Variants in RTN1 observed in about 807,000 individuals in gnomAD.
RTN1 encodes the protein reticulon 1.
Under a neutral mutation model 65.5 loss-of-function variants are expected in RTN1, and 25 were observed. The ratio of observed to expected loss-of-function variants is 0.38; its 90% CI spans 0.28 to 0.53. The LOEUF (loss-of-function observed/expected upper bound fraction) is 0.53. Ranked by LOEUF, RTN1 falls within the 20% of genes least tolerant of loss-of-function variation. RTN1 has a pLI of 0.79. For missense variants in RTN1, 983 were observed against 1,025.4 expected, an observed-to-expected ratio of 0.96 and a Z score of 0.57; for synonymous variants, 471 against 447.6, an observed-to-expected ratio of 1.05 and a Z score of -0.66.
At chr14:59,644,577 C>A (rs1414400550) in intron 3 of RTN1, among the ~76,000 whole-genome samples, 1 of 152,154 alleles carries the variant, frequency 6.6e-6, no homozygotes, top group East Asian at 1.9e-4. Flanking sequence ...GGAGGTTAGA[C>A]CCCCATACAT....
At chr14:59,769,611 C>T (rs1885915776) in intron 1 of RTN1, among the ~76,000 whole-genome samples, 1 of 152,180 alleles carries the variant, frequency 6.6e-6, no homozygotes, top group South Asian at 2.1e-4. Flanking sequence ...ACCTGCCATG[C>T]AGATTTTGTT....
chr14:59,654,201 G>A (rs776972948), intron 3 of RTN1, among the ~76,000 whole-genome samples: 39 of 152,154 alleles, frequency 2.6e-4, no homozygotes, highest in Admixed American at 5.2e-4. Flanking sequence ...CAAGGCGGGT[G>A]GATCACCTGA....
At chr14:59,772,029 A>C (rs1885968496) in intron 1 of RTN1, among the ~76,000 whole-genome samples, 1 of 152,252 alleles carries the variant, frequency 6.6e-6, no homozygotes. Context: ...TACACTAAAA[A>C]GGTTAATAAA....
intron 1 of RTN1, among the ~76,000 whole-genome samples, chr14:59,759,414 T>C (rs931317308): frequency 6.6e-6 from 1 of 152,212 alleles, no homozygotes; most frequent in Non-Finnish European, 1.5e-5. Context: ...TTCTGTCTCA[T>C]CTGTTTATAA....
chr14:59,657,188 C>T (rs1883138535), intron 3 of RTN1, among the ~76,000 whole-genome samples: 2 of 152,296 alleles, frequency 1.3e-5, no homozygotes, highest in African/African-American at 2.4e-5. Flanking sequence ...GCAGGTGAAT[C>T]ACCTGAGGTC....
intron 3 of RTN1, among the ~76,000 whole-genome samples, chr14:59,636,834 A>G (rs952665301): frequency 1.3e-5 from 2 of 152,226 alleles, no homozygotes; most frequent in Admixed American, 6.5e-5. Flanking sequence ...AAAAATTCAC[A>G]TGCCTTGATT....
intron 3 of RTN1, among the ~76,000 whole-genome samples, chr14:59,687,739 T>G (rs1883877142): frequency 6.6e-6 from 1 of 151,588 alleles, no homozygotes; most frequent in South Asian, 2.1e-4. Flanking sequence ...TGACCCATTG[T>G]ACCATTCCTA....
chr14:59,744,239 T>C (rs1885171345), intron 2 of RTN1, among the ~76,000 whole-genome samples: 1 of 152,216 alleles, frequency 6.6e-6, no homozygotes, highest in African/African-American at 2.4e-5. Flanking sequence ...TACTAGAAGC[T>C]CTTTCACCTG....
intron 4 of RTN1, chr14:59,606,070 T>C (rs956164650): frequency 7.0e-6 from 1 of 143,674 alleles, no homozygotes; most frequent in Non-Finnish European, 1.5e-5. Flanking sequence ...TTAGTTCAAA[T>C]GGTTAAATTT....
chr14:59,779,661 G>A (rs1886117235), intron 1 of RTN1, among the ~76,000 whole-genome samples: 1 of 152,000 alleles, frequency 6.6e-6, no homozygotes, highest in African/African-American at 2.4e-5. Flanking sequence ...CCTTTTCTGG[G>A]CATTTTCACG....
At chr14:59,679,549 G>A (rs1471026051) in intron 3 of RTN1, among the ~76,000 whole-genome samples, 1 of 152,158 alleles carries the variant, frequency 6.6e-6, no homozygotes, top group Non-Finnish European at 1.5e-5. Context: ...ATTAAAAAGG[G>A]TTGAACAGTA....
At chr14:59,792,724 C>T (rs1368313261) in intron 1 of RTN1, among the ~76,000 whole-genome samples, 1 of 152,212 alleles carries the variant, frequency 6.6e-6, no homozygotes, top group East Asian at 1.9e-4. Flanking sequence ...ATTATCACCT[C>T]AACAACCTCA....
At chr14:59,856,327 A>G (rs1184346305) in intron 1 of RTN1, among the ~76,000 whole-genome samples, 1 of 152,156 alleles carries the variant, frequency 6.6e-6, no homozygotes, top group Non-Finnish European at 1.5e-5. Flanking sequence ...GATTCCCACA[A>G]GCCCACAGGG....
chr14:59,837,463 C>T (rs989897955), intron 1 of RTN1, among the ~76,000 whole-genome samples: 7 of 151,870 alleles, frequency 4.6e-5, no homozygotes, highest in South Asian at 4.2e-4. Flanking sequence ...CACCCACATA[C>T]GATAATATTT....
At chr14:59,742,467 C>G (rs1445612241) in intron 2 of RTN1, among the ~76,000 whole-genome samples, 1 of 152,126 alleles carries the variant, frequency 6.6e-6, no homozygotes, top group Non-Finnish European at 1.5e-5. Context: ...TATAACAATT[C>G]TCACCTCTCC....
intron 1 of RTN1, among the ~76,000 whole-genome samples, chr14:59,831,141 C>T (rs1887117890): frequency 6.6e-6 from 1 of 152,206 alleles, no homozygotes; most frequent in Non-Finnish European, 1.5e-5. Flanking sequence ...CTCTTCAACC[C>T]ACCTGTGGTG....
intron 3 of RTN1, chr14:59,630,748 C>G (rs1413003224): frequency 9.2e-7 from 1 of 1,088,200 alleles, no homozygotes; most frequent in Non-Finnish European, 1.1e-6. Context: ...ATGCGGGCGC[C>G]GCTCCACGCG....
At chr14:59,628,178 A>G (rs4403980) in intron 3 of RTN1, among the ~76,000 whole-genome samples, 40,466 of 151,940 alleles carry the variant, frequency 0.27, 6,421 homozygotes, top group East Asian at 0.47. Flanking sequence ...CTACAAAATA[A>G]TAATAATATT....
At position 59,825,444 on chromosome 14, in the gene RTN1, T is replaced by C. The variant is rs146912859; in HGVS notation, c.241+44946A>G. On this transcript the variant is annotated intron_variant, in intron 1 of 8. Coordinates refer to ENST00000267484, the MANE Select transcript of RTN1 (RefSeq NM_021136.3). This position sits in a 1 kb window ranked among gnomAD's most constrained non-coding sequence, Gnocchi z 4.2. Reference sequence around the variant, plus strand: ...TGCTCTGATTCAGGGAAAGTTGCTATAAAATAGTTTTAAAAATAGTTACAA... The same window carrying C: ...TGCTCTGATTCAGGGAAAGTTGCTACAAAATAGTTTTAAAAATAGTTACAA... 4.0e-3 allele frequency among the ~76,000 whole-genome samples: 614 copies of C among 152,364 alleles called. 1 individual carries two copies. Among genetic ancestry groups the C allele is most frequent in the African/African-American group, 0.014 (584 of 41,598 alleles).
Sources: allele counts gnomAD v4.1 joint callset (sites outside exome capture counted in the v4.1 genomes callset), GRCh38; gene constraint gnomAD v4.1.1; non-coding constraint Gnocchi (gnomAD v3.1); transcripts MANE v1.5; gene names NCBI Gene and HGNC (gene_info 2026-07-23, HGNC 2026-07-21).